The following CTRC variants were observed in gnomAD, a reference collection of about 807,000 sequenced individuals.
The protein encoded by CTRC is chymotrypsin C.
Under a neutral mutation model 35.7 loss-of-function variants are expected in CTRC, and 32 were observed. The observed-to-expected ratio is 0.90, with a 90% CI of 0.68 to 1.20. CTRC has a LOEUF of 1.20. Among genes scored for constraint, CTRC ranks in the 50% most tolerant of loss-of-function variants. The pLI is 0.00. For missense variants in CTRC, 324 were observed against 361.5 expected, an observed-to-expected ratio of 0.90 and a Z score of 0.84; for synonymous variants, 119 against 149.5, an observed-to-expected ratio of 0.80 and a Z score of 1.49.
chr1:15,443,631 T>C, intron 5 of CTRC, 76 bp downstream of exon 5: 1 of 1,570,348 alleles, frequency 6.4e-7, no homozygotes, highest in Non-Finnish European at 8.8e-7. Flanking sequence ...TCCACCACTT[T>C]GCCTTTTTGC....
Position 15,444,819 on chromosome 1 carries a change from G to A in CTRC, c.639+68G>A, listed in dbSNP as rs1321736911. ...CAAGTGGATGTGGGCAAAGGGGGGT[G>A]CGATGGACCAAACCCTTCTCCTGGG... On this transcript the variant is annotated intron_variant, in intron 6 of 7. Transcript: ENST00000375949. 5.4e-5 allele frequency: 86 copies of A among 1,599,620 alleles called. 1 individual carries two copies. The South Asian group carries it at 9.0e-4, about 17-fold the overall frequency.
At chr1:15,443,295 G>A in intron 4 of CTRC, 124 bp from the exon 5 acceptor site, 1 of 1,073,380 alleles carries the variant, frequency 9.3e-7, no homozygotes. Flanking sequence ...TGGCAGTCAG[G>A]ATGTTTGTGA....
rs1570789597 is a variant in CTRC at position 15,449,163 on chromosome 1, T to C, written c.*2574T>C. 1 of 152,140 alleles carries C rather than the reference T, an allele frequency of 6.6e-6. No individual in the cohort carries two copies. The highest frequency in any genetic ancestry group is 1.9e-4 in the East Asian group (1 of 5,184). 9.4% of individuals were successfully genotyped at this position (152,140 alleles called of 1,614,324 possible). ...AGTGATCTGACTCCAGGGCCTGTGC[T>C]CTTGTCCACCATGCTCTGCTGCCCT... On this transcript the variant is annotated 3_prime_UTR_variant, in exon 8 of 8. Coordinates refer to ENST00000375949, the MANE Select transcript of CTRC (RefSeq NM_007272.3).
At chr1:15,440,224 C>G (rs1708108947) in intron 1 of CTRC, 76 bp from the exon 2 acceptor site, 2 of 627,526 alleles carry the variant, frequency 3.2e-6, no homozygotes, top group Non-Finnish European at 6.1e-6. Context: ...CTTCTTCCAC[C>G]TGCCCACCCT....
chr1:15,443,371 G>A lies in CTRC; in HGVS notation c.357-48G>A. ...CCCGAGCCCCTTAGCCTGAGCTTGT[G>A]GGGCCAGGGCCCTCCTGCCCACTCA... On this transcript the variant is annotated intron_variant, in intron 4 of 7. Coordinates refer to ENST00000375949, the MANE Select transcript of CTRC (RefSeq NM_007272.3). 3 of 1,613,572 alleles carry A rather than the reference G, an allele frequency of 1.9e-6. No individual in the cohort carries two copies. In the South Asian group the frequency reaches 3.3e-5, roughly 18 times the overall value.
chr1:15,442,670 C>T, intron 4 of CTRC, 98 bp downstream of exon 4: 1 of 1,524,190 alleles, frequency 6.6e-7, no homozygotes, highest in Non-Finnish European at 9.0e-7. Context: ...CCATACCTGA[C>T]ACCCCATCCT....
At chr1:15,445,525 A>C in intron 6 of CTRC, 72 bp from the exon 7 acceptor site, 1 of 1,543,588 alleles carries the variant, frequency 6.5e-7, no homozygotes, top group Non-Finnish European at 8.9e-7. Context: ...CCCCCACCCC[A>C]ACCCAGTCCT....
chr1:15,442,315 A>G (rs1570783320), intron 3 of CTRC, 132 bp from the exon 4 acceptor site: 1 of 1,201,670 alleles, frequency 8.3e-7, no homozygotes, highest in African/African-American at 1.5e-5. Flanking sequence ...CCTTCCCCTC[A>G]CCCTGGGAAA....
In CTRC at chr1:15,445,660, G is replaced by C; in HGVS notation, c.703G>C (p.Val235Leu). 1.9e-6 allele frequency: 3 copies of C among 1,614,188 alleles called. 1 individual carries two copies. The highest frequency in any genetic ancestry group is 2.5e-6 in the Non-Finnish European group (3 of 1,180,036). The change falls in exon 7 of 8, where the codon GTC becomes CTC. Residue 235 changes from valine to leucine, a missense_variant. By Grantham distance (32) the Val-to-Leu change is conservative. Coordinates refer to ENST00000375949, the MANE Select transcript of CTRC (RefSeq NM_007272.3). ...ENGSWEVFGI[V>L]SFGSRRGCNT... ...CGGTTCCTGGGAGGTGTTTGGCATC[G>C]TCAGCTTTGGCTCCCGGCGGGGCTG...
rs515726209 is a variant in CTRC, at chr1:15,440,577, G to A, written c.217G>A (p.Ala73Thr). The A allele has an allele frequency of 3.0e-4, 478 of 1,613,966 alleles. 7 individuals are homozygous for A. The South Asian group carries it at 4.9e-3, about 16-fold the overall frequency. The change falls in exon 3 of 8, where the codon GCC (alanine) becomes ACC (threonine). Residue 73 changes from alanine (A) to threonine (T), a missense_variant. Physicochemically the swap from Ala to Thr is moderately conservative, Grantham distance 58 (BLOSUM62 0). Transcript: ENST00000375949. ...LIASNFVLTA[A>T]HCISNTRTYR... Reference sequence around the variant, plus strand: ...TGCTAGCAACTTCGTCCTCACTGCCGCCCACTGCATCAGGTGTGCGGGGAT... The same window carrying A: ...TGCTAGCAACTTCGTCCTCACTGCCACCCACTGCATCAGGTGTGCGGGGAT...
At position 15,446,825 on chromosome 1, in the gene CTRC, G is replaced by A. The variant is rs963250128; in HGVS notation, c.*236G>A. 2 of 619,494 alleles carry A rather than the reference G, an allele frequency of 3.2e-6. No individual in the cohort carries two copies. The highest frequency in any genetic ancestry group is 5.7e-5 in the East Asian group (2 of 35,306). 38.4% of individuals were successfully genotyped at this position (619,494 alleles called of 1,614,324 possible). A position where few individuals can be genotyped will look rare whatever the true frequency, so the allele number is the denominator to read the frequency against. ...AGGGCCAAGGAAGGAGCCTCCTGGGGCATTAATGGGAGGCAGGGGGCTGGG... is the reference window on the plus strand; with the variant it reads ...AGGGCCAAGGAAGGAGCCTCCTGGGACATTAATGGGAGGCAGGGGGCTGGG... On this transcript the variant is annotated 3_prime_UTR_variant, in exon 8 of 8. Coordinates refer to ENST00000375949, the MANE Select transcript of CTRC (RefSeq NM_007272.3).
chr1:15,444,560 T>C (rs1193220638), intron 5 of CTRC, 46 bp from the exon 6 acceptor site: 1 of 1,612,908 alleles, frequency 6.2e-7, no homozygotes, highest in African/African-American at 1.3e-5. Flanking sequence ...GGGGCTGGAC[T>C]GGGCTTCCCG....
chr1:15,438,610 A>G, intron 1 of CTRC, 106 bp downstream of exon 1: 7 of 1,303,296 alleles, frequency 5.4e-6, no homozygotes, highest in Non-Finnish European at 6.6e-6. Context: ...CAGGTAAGAC[A>G]CTTTGGGGTC....
In CTRC at chr1:15,448,012, C is replaced by G. The variant is rs1187348041; in HGVS notation, c.*1423C>G. 6.6e-6 allele frequency: 1 copy of G among 152,166 alleles called. No homozygotes were observed. Among genetic ancestry groups the G allele is most frequent in the African/African-American group, 2.4e-5 (1 of 41,420 alleles). The allele number at this position is 152,166 out of a possible 1,614,324, so 9.4% of individuals were successfully genotyped here. A position where few individuals can be genotyped will look rare whatever the true frequency, so the allele number is the denominator to read the frequency against. On this transcript the variant is annotated 3_prime_UTR_variant, in exon 8 of 8. Coordinates refer to ENST00000375949, the MANE Select transcript of CTRC (RefSeq NM_007272.3). ...AGACCAGAAGCATAGAAACAGGACACCTGAAGCAGTGTCAGTTGGCGGGAG... is the reference window on the plus strand; with the variant it reads ...AGACCAGAAGCATAGAAACAGGACAGCTGAAGCAGTGTCAGTTGGCGGGAG...
Position 15,447,302 on chromosome 1 carries a change from GA to G in CTRC, c.*714del. ...GAAGAGACCCCAGCATCATCCTCAG[GA>G]GACATACGTTTGAAGAAGGCAATGG... On this transcript the variant is annotated 3_prime_UTR_variant, in exon 8 of 8. Coordinates refer to ENST00000375949, the MANE Select transcript of CTRC (RefSeq NM_007272.3). 1 of 156,682 alleles carries G rather than the reference GA, an allele frequency of 6.4e-6. No homozygotes were observed. The highest frequency in any genetic ancestry group is 1.9e-4 in the South Asian group (1 of 5,156). The allele number at this position is 156,682 out of a possible 1,614,324, so 9.7% of individuals were successfully genotyped here.
intron 6 of CTRC, among the ~76,000 whole-genome samples, chr1:15,445,179 CAG>C (rs1251203736): frequency 6.6e-6 from 1 of 152,158 alleles, no homozygotes; most frequent in African/African-American, 2.4e-5. Context: ...CTAAGACAAT[CAG>C]GGAATGTCCT....
chr1:15,441,799 G>A (rs942745028), intron 3 of CTRC, among the ~76,000 whole-genome samples: 3 of 150,952 alleles, frequency 2.0e-5, no homozygotes, highest in Admixed American at 1.3e-4. Context: ...TTAGCCTCCC[G>A]AGTAGCTGGG....
At chr1:15,438,707 G>A (rs536545126) in intron 1 of CTRC, among the ~76,000 whole-genome samples, 1 of 152,310 alleles carries the variant, frequency 6.6e-6, no homozygotes, top group South Asian at 2.1e-4. Context: ...CTGCAAAACA[G>A]GGAAGATGAT....
rs1331588232 is a variant in CTRC, at chr1:15,446,729, A to G, written c.*140A>G. On this transcript the variant is annotated 3_prime_UTR_variant, in exon 8 of 8. Transcript: ENST00000375949. ...CTGCCCCTTTCCACACTATGGAGCC[A>G]AAGAGAGACCCCACTCAGCCAGTTT... 1.0e-6 allele frequency: 1 copy of G among 987,268 alleles called. No individual in the cohort carries two copies. The highest frequency in any genetic ancestry group is 1.6e-6 in the Non-Finnish European group (1 of 623,474). 61.2% of individuals were successfully genotyped at this position (987,268 alleles called of 1,614,324 possible). A position where few individuals can be genotyped will look rare whatever the true frequency, so the allele number is the denominator to read the frequency against.
Sources: gnomAD v4.1 joint callset for allele counts (sites outside exome capture counted in the v4.1 genomes callset) on GRCh38, gnomAD v4.1.1 for gene constraint, MANE v1.5 for transcripts, NCBI Gene and HGNC (gene_info 2026-07-23, HGNC 2026-07-21) for gene names.